The following PIGN variants were observed in gnomAD, a reference collection of about 807,000 sequenced individuals.
PIGN encodes GPI ethanolamine phosphate transferase 1.
Under a neutral mutation model 125.4 loss-of-function variants are expected in PIGN, and 117 were observed. The ratio of observed to expected loss-of-function variants is 0.93; its 90% CI spans 0.80 to 1.09. The LOEUF is 1.09. Ranked by LOEUF, PIGN falls within the 50% of genes least tolerant of loss-of-function variation. The pLI is 0.00. For synonymous variants in PIGN, 392 were observed against 377.8 expected, an observed-to-expected ratio of 1.04 and a Z score of -0.44; for missense variants, 1,075 against 1,094.9, an observed-to-expected ratio of 0.98 and a Z score of 0.26.
At position 62,147,040 on chromosome 18, in the gene PIGN, T is replaced by A. The variant is rs371787045; in HGVS notation, c.736A>T (p.Asn246Tyr). 2.0e-5 allele frequency: 33 copies of A among 1,610,480 alleles called. No individual in the cohort carries two copies. Among genetic ancestry groups the A allele is most frequent in the Middle Eastern group, 1.7e-4 (1 of 6,042 alleles). The stretch of plus-strand genomic sequence containing the variant: ...TTCCCATCATTTCCATAGAAGTGGT[T>A]AAACATAGACACGATTTCTTTAACT... ...DGVKEIVSMF[N>Y]HFYGNDGKTT... The change falls in exon 9 of 31, where the codon AAC (asparagine) becomes TAC (tyrosine). Residue 246 changes from asparagine (N) to tyrosine (Y), a missense_variant. Asn to Tyr is a moderately radical substitution (Grantham distance 143, BLOSUM62 -2). Around this residue, in one of 3 missense-constraint regions of PIGN, gnomAD observed 915 missense variants for 908.7 expected, o/e 1.01. Transcript: ENST00000640252.
In PIGN at chr18:62,096,629, C is replaced by A. The variant is rs2034212978; in HGVS notation, c.2078-679G>T. ...ATGTGCCATGCTGGTGCGCTGCACC[C>A]ACTAATGTGTCATCTAGCATTAGGT... On this transcript the variant is annotated intron_variant, in intron 22 of 30. Transcript: ENST00000640252. Among the ~76,000 whole-genome samples, 3 of 126,254 alleles carry A rather than the reference C, an allele frequency of 2.4e-5. No homozygotes were observed. The South Asian group carries it at 8.6e-4, about 36-fold the overall frequency. 82.8% of individuals were successfully genotyped at this position (126,254 alleles called of 152,430 possible).
At chr18:62,130,524 T>C (rs550255945) in intron 14 of PIGN, among the ~76,000 whole-genome samples, 2 of 121,542 alleles carry the variant, frequency 1.6e-5, no homozygotes, top group African/African-American at 2.6e-5. Context: ...TCTATAAACA[T>C]GTCATGTTTA....
chr18:62,040,797 G>A (rs548780734), downstream of PIGN, among the ~76,000 whole-genome samples: 1 of 152,300 alleles, frequency 6.6e-6, no homozygotes, highest in South Asian at 2.1e-4. Context: ...GATATTCGAG[G>A]TAACAGTTTA....
At chr18:62,133,202 T>C (rs1483114637) in intron 14 of PIGN, among the ~76,000 whole-genome samples, 1 of 152,208 alleles carries the variant, frequency 6.6e-6, no homozygotes, top group Non-Finnish European at 1.5e-5. Flanking sequence ...AGCTATGATG[T>C]TCAGTAGGTT....
downstream of PIGN, among the ~76,000 whole-genome samples, chr18:62,038,892 T>C (rs1019611711): frequency 2.6e-5 from 4 of 151,690 alleles, no homozygotes; most frequent in East Asian, 7.7e-4. Context: ...CACTACAGCT[T>C]GCACGACACA....
At chr18:62,114,376 A>G (rs1054608566) in intron 15 of PIGN, among the ~76,000 whole-genome samples, 185 bp downstream of exon 15, 1 of 151,580 alleles carries the variant, frequency 6.6e-6, no homozygotes, top group East Asian at 1.9e-4. Flanking sequence ...AAAAAAAAAA[A>G]TTTACCCATA....
chr18:62,046,697 T>C (rs946124994), intron 30 of PIGN, among the ~76,000 whole-genome samples: 1 of 151,982 alleles, frequency 6.6e-6, no homozygotes, highest in African/African-American at 2.4e-5. Context: ...GTAAATGCCA[T>C]GTAAATAATT....
intron 19 of PIGN, 72 bp downstream of exon 19, chr18:62,106,717 G>T: frequency 1.1e-6 from 1 of 939,262 alleles, no homozygotes; most frequent in Non-Finnish European, 1.7e-6. Flanking sequence ...AAAATAAACA[G>T]TTCCTTGAGT....
intron 14 of PIGN, among the ~76,000 whole-genome samples, chr18:62,132,587 A>G (rs551581157): frequency 5.3e-5 from 8 of 152,256 alleles, no homozygotes; most frequent in Non-Finnish European, 7.4e-5. Flanking sequence ...CACACCTGCA[A>G]TCCCAGCACT....
At chr18:62,183,708 G>C (rs2037797747) in intron 1 of PIGN, among the ~76,000 whole-genome samples, 1 of 152,092 alleles carries the variant, frequency 6.6e-6, no homozygotes, top group Non-Finnish European at 1.5e-5. Context: ...ACTTAGTAAG[G>C]ACTCAAATGT....
intron 15 of PIGN, 46 bp from the exon 16 acceptor site, chr18:62,113,362 A>T: frequency 1.4e-6 from 2 of 1,435,974 alleles, no homozygotes; most frequent in South Asian, 1.3e-5. Context: ...AATAATAAGA[A>T]AACCTACATT....
intron 14 of PIGN, among the ~76,000 whole-genome samples, chr18:62,116,384 C>T (rs2035085871): frequency 6.6e-6 from 1 of 152,190 alleles, no homozygotes; most frequent in Admixed American, 6.5e-5. Flanking sequence ...GGGCATCTCA[C>T]TGTCTACTTC....
At chr18:62,185,892 T>C (rs1009743882) in intron 1 of PIGN, among the ~76,000 whole-genome samples, 15 of 152,202 alleles carry the variant, frequency 9.9e-5, no homozygotes, top group Non-Finnish European at 1.6e-4. Context: ...CTCTGAAGCA[T>C]TCAACTTTTA....
chr18:62,110,634 A>G (rs1448597647), intron 16 of PIGN, among the ~76,000 whole-genome samples: 1 of 152,050 alleles, frequency 6.6e-6, no homozygotes, highest in African/African-American at 2.4e-5. Context: ...GGGTTCCCTA[A>G]AGGAGAAATT....
At chr18:62,166,219 C>T (rs1206119424) in intron 1 of PIGN, among the ~76,000 whole-genome samples, 1 of 152,158 alleles carries the variant, frequency 6.6e-6, no homozygotes, top group East Asian at 1.9e-4. Context: ...GCCAGAGAAA[C>T]ATATTGGTTG....
At chr18:62,018,369 G>C (rs970051833) in intron 23 of PIGN, among the ~76,000 whole-genome samples, 1 of 152,244 alleles carries the variant, frequency 6.6e-6, no homozygotes, top group Non-Finnish European at 1.5e-5. Flanking sequence ...GATTCCGTTT[G>C]ATCCGTACAC....
intron 30 of PIGN, among the ~76,000 whole-genome samples, chr18:62,057,456 T>C (rs1209210415): frequency 2.0e-5 from 3 of 152,164 alleles, no homozygotes; most frequent in Non-Finnish European, 4.4e-5. Flanking sequence ...TGAAAATATT[T>C]TCTAAGTCCA....
chr18:62,171,294 A>G (rs894762694), intron 1 of PIGN, among the ~76,000 whole-genome samples: 3 of 151,956 alleles, frequency 2.0e-5, no homozygotes, highest in African/African-American at 7.3e-5. Context: ...CTCCTTGTTA[A>G]TTCTTAAATC....
At chr18:62,052,032 T>G (rs2031343705) in intron 30 of PIGN, 1 of 152,272 alleles carries the variant, frequency 6.6e-6, no homozygotes, top group Admixed American at 6.5e-5. Context: ...TTCTTAATCC[T>G]GAGTTCTAGT....
Sources: gnomAD v4.1 joint callset for allele counts (sites outside exome capture counted in the v4.1 genomes callset) on GRCh38, gnomAD v4.1.1 for gene constraint, gnomAD v4.1.1 regional missense constraint, MANE v1.5 for transcripts, NCBI Gene and HGNC (gene_info 2026-07-23, HGNC 2026-07-21) for gene names.